HBS1L: variants seen among roughly 807,000 people sequenced by gnomAD.
HBS1L encodes HBS1-like protein.
In HBS1L, 55 loss-of-function variants were observed where a neutral mutation model predicts 88.9. The ratio of observed to expected loss-of-function variants is 0.62; its 90% CI spans 0.50 to 0.77. The LOEUF (loss-of-function observed/expected upper bound fraction) is 0.77, where lower values mean the gene tolerates loss of function less well. HBS1L is among the 30% of genes least tolerant of loss of function. HBS1L has a pLI of 0.00. For missense variants in HBS1L, 741 were observed against 829.3 expected (o/e 0.89, Z 1.31); for synonymous variants, 267 against 288.5 (o/e 0.93, Z 0.76).
At chr6:135,011,770 G>A (rs549157282) in intron 4 of HBS1L, among the ~76,000 whole-genome samples, 1 of 152,084 alleles carries the variant, frequency 6.6e-6, no homozygotes, top group African/African-American at 2.4e-5. Context: ...GCCAGACGTG[G>A]TGGCACGCAC....
intron 7 of HBS1L, among the ~76,000 whole-genome samples, chr6:134,994,273 T>A (rs1166174534): frequency 6.6e-6 from 1 of 152,158 alleles, no homozygotes; most frequent in Non-Finnish European, 1.5e-5. Context: ...TCTACACTTA[T>A]GCTTCACTAA....
chr6:135,011,147 T>C (rs1450205407), intron 4 of HBS1L, among the ~76,000 whole-genome samples: 2 of 152,152 alleles, frequency 1.3e-5, no homozygotes, highest in Non-Finnish European at 2.9e-5. Context: ...ATTAATGATA[T>C]AAACGTAAAG....
At chr6:135,021,060 TCCTTTA>T (rs940979806) in intron 4 of HBS1L, among the ~76,000 whole-genome samples, 1 of 152,086 alleles carries the variant, frequency 6.6e-6, no homozygotes, top group Non-Finnish European at 1.5e-5. Context: ...GCTGGTTCTA[TCCTTTA>T]CTGGTTTTGT....
chr6:134,998,233 G>A (rs1430446545), intron 5 of HBS1L, among the ~76,000 whole-genome samples: 1 of 152,096 alleles, frequency 6.6e-6, no homozygotes, highest in Non-Finnish European at 1.5e-5. Context: ...ATGTCAAAAA[G>A]AAAATGACAT....
At position 134,965,092 on chromosome 6, in the gene HBS1L, T is replaced by C. The variant is rs11549504; in HGVS notation, c.*187A>G. The C allele has an allele frequency of 0.14, 85,913 of 596,584 alleles. 7,371 individuals carry two copies. Among genetic ancestry groups the C allele is most frequent in the South Asian group, 0.27 (13,123 of 49,256 alleles). The allele number at this position is 596,584 out of a possible 1,614,324, so 37.0% of individuals were successfully genotyped here. ...TTTAACATTAGACTTTCTTTGCCAG[T>C]TGGCAACTTAGAATTTTTGCAGAGG... On this transcript the variant is annotated 3_prime_UTR_variant, in exon 18 of 18. Coordinates refer to ENST00000367837, the MANE Select transcript of HBS1L (RefSeq NM_006620.4).
chr6:135,015,635 G>A (rs1002275218), intron 4 of HBS1L, among the ~76,000 whole-genome samples: 8 of 152,084 alleles, frequency 5.3e-5, no homozygotes, highest in Admixed American at 1.3e-4. Flanking sequence ...AGGCTGGAGT[G>A]CAGTAGCGTG....
At chr6:135,033,697 T>C (rs375932214) in intron 4 of HBS1L, among the ~76,000 whole-genome samples, 2 of 152,238 alleles carry the variant, frequency 1.3e-5, no homozygotes, top group Non-Finnish European at 2.9e-5. Flanking sequence ...GTCTACTATA[T>C]GGTTTTAAAA....
intron 9 of HBS1L, 58 bp downstream of exon 9, chr6:134,987,587 A>C: frequency 1.5e-6 from 2 of 1,368,850 alleles, no homozygotes; most frequent in South Asian, 1.6e-5. Flanking sequence ...TCATCTATAC[A>C]AGCAGAATAA....
In HBS1L at chr6:134,996,918, G is replaced by T; in HGVS notation, c.824C>A (p.Thr275Asn). 6.3e-7 allele frequency: 1 copy of T among 1,593,116 alleles called. No individual in the cohort carries two copies. The highest frequency in any genetic ancestry group is 8.5e-7 in the Non-Finnish European group (1 of 1,173,460). The change falls in exon 7 of 18, where the codon ACT (threonine) becomes AAT (asparagine). Residue 275 changes from threonine to asparagine, a missense_variant. This residue lies in a region of HBS1L where 556 missense variants were observed against 598.4 expected (regional missense o/e 0.93). Coordinates refer to ENST00000367837, the MANE Select transcript of HBS1L (RefSeq NM_006620.4). The part of the protein sequence containing the change: ...VIGHVDAGKS[T>N]LMGHMLYLLG... ...AAGATAAAGCATATGGCCCATCAGA[G>T]TACTTTTCCCAGCATCAACATGACC... is the stretch of plus-strand genomic sequence containing the variant.
rs199530029 is a variant in HBS1L at position 135,042,063 on chromosome 6, T to G, written c.173A>C (p.Tyr58Ser). 3.7e-6 allele frequency: 6 copies of G among 1,613,194 alleles called. No homozygotes were observed. The African/African-American group carries it at 5.3e-5, about 14-fold the overall frequency. The change falls in exon 3 of 18, where the codon TAT becomes TCT. Residue 58 changes from tyrosine to serine, a missense_variant. Transcript: ENST00000367837. ...ATTGGAAGATTCTTTCAGATCTTCA[T>G]AATCATATTCTTCCACAGGCTCAAC... is the stretch of plus-strand genomic sequence containing the variant. ...PSVEPVEEYD[Y>S]EDLKESSNSV...
intron 2 of HBS1L, among the ~76,000 whole-genome samples, chr6:135,044,205 T>C (rs908413415): frequency 6.6e-6 from 1 of 152,190 alleles, no homozygotes; most frequent in African/African-American, 2.4e-5. Flanking sequence ...CTGGAGTACT[T>C]ATTAGGAAAT....
At chr6:135,042,230 T>C in intron 2 of HBS1L, 104 bp from the exon 3 acceptor site, 8 of 974,158 alleles carry the variant, frequency 8.2e-6, no homozygotes, top group South Asian at 7.9e-5. Flanking sequence ...CAATCACCTA[T>C]AGTTACCCAT....
At chr6:134,996,976 A>G in intron 6 of HBS1L, 34 bp from the exon 7 acceptor site, 1 of 1,484,660 alleles carries the variant, frequency 6.7e-7, no homozygotes, top group Non-Finnish European at 9.1e-7. Flanking sequence ...AATACCAGGT[A>G]CATTTCCAGA....
intron 2 of HBS1L, among the ~76,000 whole-genome samples, chr6:135,045,061 G>A (rs1182147571): frequency 6.6e-6 from 1 of 151,956 alleles, no homozygotes; most frequent in Non-Finnish European, 1.5e-5. Context: ...TGCAAAGGGT[G>A]GGTGGGGGGA....
At chr6:135,027,398 C>G (rs1369629965) in intron 4 of HBS1L, among the ~76,000 whole-genome samples, 1 of 151,882 alleles carries the variant, frequency 6.6e-6, no homozygotes, top group Non-Finnish European at 1.5e-5. Flanking sequence ...ACAAAAATAA[C>G]AAAACTCCCC....
At chr6:134,976,006 T>G (rs1774632773) in intron 15 of HBS1L, among the ~76,000 whole-genome samples, 1 of 152,004 alleles carries the variant, frequency 6.6e-6, no homozygotes, top group Admixed American at 6.6e-5. Flanking sequence ...TTGCAAACTA[T>G]GCATCTGACA....
chr6:134,979,570 C>T (rs1774760226), intron 13 of HBS1L: 1 of 248,322 alleles, frequency 4.0e-6, no homozygotes, highest in African/African-American at 2.2e-5. Flanking sequence ...ATTAAACAGG[C>T]CCCATTCAAA....
At chr6:135,023,430 C>G (rs573004284) in intron 4 of HBS1L, among the ~76,000 whole-genome samples, 1 of 147,968 alleles carries the variant, frequency 6.8e-6, no homozygotes, top group Admixed American at 6.8e-5. Context: ...GGCAACAGAG[C>G]GAGACTCCAT....
intron 4 of HBS1L, among the ~76,000 whole-genome samples, chr6:135,011,350 C>T (rs1173023547): frequency 6.6e-6 from 1 of 151,892 alleles, no homozygotes; most frequent in Non-Finnish European, 1.5e-5. Context: ...CCTGTCTCCA[C>T]ACACACAAAA....
Sources: allele counts gnomAD v4.1 joint callset (sites outside exome capture counted in the v4.1 genomes callset), GRCh38; gene constraint gnomAD v4.1.1; regional missense constraint gnomAD v4.1.1; transcripts MANE v1.5; gene names NCBI Gene and HGNC (gene_info 2026-07-23, HGNC 2026-07-21).